The following NRXN3 variants were observed in gnomAD, a reference collection of about 807,000 sequenced individuals.
NRXN3 encodes neurexin 3, also known as neurexin III.
NRXN3 carries 32 observed loss-of-function variants against 137.6 expected under a neutral mutation model. The ratio of observed to expected loss-of-function variants is 0.23; its 90% CI spans 0.18 to 0.31. The LOEUF (loss-of-function observed/expected upper bound fraction) is 0.31, where lower values mean the gene tolerates loss of function less well. Ranked by LOEUF, NRXN3 falls within the 10% of genes least tolerant of loss-of-function variation. NRXN3 has a pLI of 1.00. For missense variants in NRXN3, 1,574 were observed against 2,062.5 expected, an observed-to-expected ratio of 0.76 and a Z score of 4.59; for synonymous variants, 798 against 784.5, an observed-to-expected ratio of 1.02 and a Z score of -0.29.
rs370605228 is a variant in NRXN3 at position 79,378,404 on chromosome 14, C to T, written c.3263-88817C>T. 5.9e-5 allele frequency among the ~76,000 whole-genome samples: 9 copies of T among 152,238 alleles called. No homozygotes were observed. In the South Asian group the frequency reaches 1.0e-3, roughly 18 times the overall value. On this transcript the variant is annotated intron_variant, in intron 15 of 20. Coordinates refer to ENST00000335750, the MANE Select transcript of NRXN3 (RefSeq NM_001330195.2). ...ACCGTGGGATCCCTCCTACTGGGTG[C>T]CTGGTTAAAACTGAGTGTCAGAGAA...
intron 16 of NRXN3, among the ~76,000 whole-genome samples, chr14:79,647,147 C>A (rs2098456446): frequency 7.4e-6 from 1 of 135,998 alleles, no homozygotes; most frequent in African/African-American, 2.4e-5. Context: ...CCCACTTAAA[C>A]CTCAACATGG....
intron 16 of NRXN3, among the ~76,000 whole-genome samples, chr14:79,622,628 ACT>A (rs1457900328): frequency 6.6e-6 from 1 of 151,866 alleles, no homozygotes; most frequent in Non-Finnish European, 1.5e-5. Context: ...ACAGAGTCTC[ACT>A]CTGTCACCCA....
intron 10 of NRXN3, among the ~76,000 whole-genome samples, chr14:78,890,110 C>T (rs749190981): frequency 9.2e-5 from 14 of 151,950 alleles, no homozygotes; most frequent in Non-Finnish European, 1.6e-4. Context: ...TTTGGATCTC[C>T]GACTCTGGCC....
chr14:78,693,953 A>G (rs2098199596), intron 6 of NRXN3, among the ~76,000 whole-genome samples: 5 of 151,906 alleles, frequency 3.3e-5, no homozygotes, highest in African/African-American at 2.4e-5. Flanking sequence ...GAGACTACAC[A>G]TATGCCAAGA....
intron 4 of NRXN3, among the ~76,000 whole-genome samples, chr14:78,329,064 G>T (rs778770944): frequency 1.1e-4 from 16 of 152,180 alleles, no homozygotes; most frequent in Non-Finnish European, 1.9e-4. Flanking sequence ...CTCAGAAATA[G>T]TGTATTTGGC....
chr14:79,078,467 C>T (rs937680283), intron 15 of NRXN3, among the ~76,000 whole-genome samples: 4 of 152,134 alleles, frequency 2.6e-5, no homozygotes, highest in Non-Finnish European at 5.9e-5. Flanking sequence ...GCATACATTC[C>T]AGAACTCTAA....
chr14:79,671,039 C>T (rs908779698), intron 17 of NRXN3, among the ~76,000 whole-genome samples: 3 of 152,182 alleles, frequency 2.0e-5, no homozygotes, highest in Non-Finnish European at 4.4e-5. Context: ...TTCACCGTCT[C>T]TCAGCCAAAC....
At chr14:79,857,465 G>A (rs956825753) in intron 20 of NRXN3, among the ~76,000 whole-genome samples, 4 of 151,904 alleles carry the variant, frequency 2.6e-5, no homozygotes, top group South Asian at 2.1e-4. Context: ...CTCATGATCC[G>A]CCTGCCTCGG....
intron 15 of NRXN3, among the ~76,000 whole-genome samples, chr14:79,415,741 G>C (rs1220508219): frequency 6.6e-6 from 1 of 152,060 alleles, no homozygotes; most frequent in Non-Finnish European, 1.5e-5. Flanking sequence ...GTAGCATTGA[G>C]CCTATGTCTT....
intron 16 of NRXN3, among the ~76,000 whole-genome samples, chr14:79,606,344 AT>A (rs1387671675): frequency 6.6e-6 from 1 of 152,224 alleles, no homozygotes; most frequent in Admixed American, 6.5e-5. Context: ...CTTTAGAGTA[AT>A]TTCTAGTTAG....
chr14:79,380,545 G>A (rs1038069627), intron 15 of NRXN3, among the ~76,000 whole-genome samples: 7 of 151,982 alleles, frequency 4.6e-5, no homozygotes, highest in East Asian at 1.9e-4. Context: ...TTTTATGGCC[G>A]CATAGTATTC....
intron 15 of NRXN3, among the ~76,000 whole-genome samples, chr14:79,319,259 A>G (rs1483533841): frequency 6.6e-6 from 1 of 152,180 alleles, no homozygotes; most frequent in Non-Finnish European, 1.5e-5. Context: ...AGAAGAGGGG[A>G]CAGAAAATTC....
intron 4 of NRXN3, among the ~76,000 whole-genome samples, chr14:78,325,110 T>A (rs2079891196): frequency 6.6e-6 from 1 of 151,926 alleles, no homozygotes; most frequent in African/African-American, 2.4e-5. Flanking sequence ...TTGAGGACAA[T>A]CTGCAAACAT....
At chr14:78,763,937 C>G (rs945027398) in intron 8 of NRXN3, among the ~76,000 whole-genome samples, 1 of 152,122 alleles carries the variant, frequency 6.6e-6, no homozygotes, top group Admixed American at 6.5e-5. Context: ...GGAATGAATG[C>G]GAAGACACCC....
At chr14:79,845,607 AGAGAGAGACGGAGACGGG>A (rs1568434221) in intron 20 of NRXN3, among the ~76,000 whole-genome samples, 276 of 142,044 alleles carry the variant, frequency 1.9e-3, no homozygotes, top group Non-Finnish European at 2.2e-3. Context: ...AGAGAGACAG[AGAGAGAGACGGAGACGGG>A]GAGAGAGACG....
intron 4 of NRXN3, among the ~76,000 whole-genome samples, chr14:78,501,706 C>T (rs917481823): frequency 1.3e-5 from 2 of 152,072 alleles, no homozygotes; most frequent in Admixed American, 6.6e-5. Context: ...ACTCTTAAGG[C>T]ACAATGAGTT....
In NRXN3 at chr14:78,647,987, G is replaced by A. The variant is rs1346202095; in HGVS notation, c.1059+2566G>A. ...TTATGACAAAAATTCATTGAGTAAA[G>A]TTTACCTGGGGTTTCCCGGAGTACT... On this transcript the variant is annotated intron_variant, in intron 5 of 20. Transcript: ENST00000335750. Among the ~76,000 whole-genome samples, 4 of 152,248 alleles carry A rather than the reference G, an allele frequency of 2.6e-5. No homozygotes were observed. In the East Asian group the frequency reaches 7.7e-4, roughly 29 times the overall value.
rs538643392 is a variant in NRXN3, at chr14:78,224,009, C to T, written c.-703-18382C>T. Among the ~76,000 whole-genome samples the T allele has an allele frequency of 3.9e-5, 6 of 152,138 alleles. No homozygotes were observed. The South Asian group carries it at 1.0e-3, about 26-fold the overall frequency. On this transcript the variant is annotated intron_variant, in intron 1 of 20. Coordinates refer to ENST00000335750, the MANE Select transcript of NRXN3 (RefSeq NM_001330195.2). ...TCTCCTATCTACCCTGGATATGAGC[C>T]GTGGCCACCTTATTAGTCTGTCTGT...
intron 2 of NRXN3, among the ~76,000 whole-genome samples, chr14:78,275,871 A>T (rs1160093313): frequency 1.3e-5 from 2 of 152,130 alleles, no homozygotes; most frequent in African/African-American, 4.8e-5. Context: ...AGTCTGGCAG[A>T]TAGACACTGC....
Sources: allele counts gnomAD v4.1 joint callset (sites outside exome capture counted in the v4.1 genomes callset), GRCh38; gene constraint gnomAD v4.1.1; transcripts MANE v1.5; gene names NCBI Gene and HGNC (gene_info 2026-07-23, HGNC 2026-07-21).